Variants in KALRN observed in about 807,000 individuals in gnomAD.
KALRN encodes the protein kalirin.
Under a neutral mutation model 353.7 loss-of-function variants are expected in KALRN, and 70 were observed. The ratio of observed to expected loss-of-function variants is 0.20; its 90% CI spans 0.16 to 0.24. The LOEUF (loss-of-function observed/expected upper bound fraction) is 0.24. Among genes scored for constraint, KALRN ranks in the 10% least tolerant of loss-of-function variants. The pLI is 1.00. For synonymous variants in KALRN, 1,391 were observed against 1,434.8 expected, an observed-to-expected ratio of 0.97 and a Z score of 0.69; for missense variants, 2,791 against 3,756.7, an observed-to-expected ratio of 0.74 and a Z score of 6.72.
chr3:124,208,965 C>CAATAAT (rs757968593), intron 1 of KALRN, among the ~76,000 whole-genome samples: 17 of 150,976 alleles, frequency 1.1e-4, no homozygotes, highest in East Asian at 1.9e-4. Flanking sequence ...GACTCTGTCT[C>CAATAAT]AATAATAATA....
At chr3:124,454,370 G>C (rs945929652) in intron 21 of KALRN, among the ~76,000 whole-genome samples, 1 of 152,148 alleles carries the variant, frequency 6.6e-6, no homozygotes, top group Admixed American at 6.5e-5. Flanking sequence ...TTTTTCATCT[G>C]TGGTTCAAAG....
chr3:124,586,899 T>C (rs1187718021), intron 34 of KALRN, among the ~76,000 whole-genome samples: 4 of 152,102 alleles, frequency 2.6e-5, no homozygotes. Flanking sequence ...GGGGGTCGTG[T>C]CTGAGGTGTT....
intron 1 of KALRN, among the ~76,000 whole-genome samples, chr3:124,100,038 C>T (rs113757250): frequency 1.3e-5 from 2 of 152,244 alleles, no homozygotes; most frequent in African/African-American, 4.8e-5. Flanking sequence ...GCAGTGCGCA[C>T]CTGTAATCCC....
rs189745979 is a variant in KALRN, at chr3:124,395,147, A to C, written c.1975A>C (p.Met659Leu). 6.2e-7 allele frequency: 1 copy of C among 1,612,754 alleles called. No homozygotes were observed. Among genetic ancestry groups the C allele is most frequent in the East Asian group, 2.2e-5 (1 of 44,848 alleles). ...HTHTKELWTW[M>L]EDLQKEMLED... ...TCTCTCTCTACAGTTGTGGACATGG[A>C]TGGAAGACCTTCAGAAGGAGATGTT... The change falls in exon 12 of 60, where the codon ATG becomes CTG. Residue 659 changes from methionine to leucine, a missense_variant. Coordinates refer to ENST00000682506, the MANE Select transcript of KALRN (RefSeq NM_001388419.1).
At chr3:124,640,255 G>A (rs1435893258) in intron 37 of KALRN, among the ~76,000 whole-genome samples, 2 of 150,956 alleles carry the variant, frequency 1.3e-5, no homozygotes, top group Admixed American at 1.3e-4. Flanking sequence ...ATCATGAGCT[G>A]TGTGTGACTA....
chr3:124,698,370 G>C (rs9824248), intron 55 of KALRN, among the ~76,000 whole-genome samples: 8,545 of 152,318 alleles, frequency 0.056, 397 homozygotes, highest in African/African-American at 0.12. Context: ...GTTGTTCCTT[G>C]TTGTGTCTTC....
At chr3:124,410,367 T>C (rs1245465382) in intron 13 of KALRN, 11 of 457,712 alleles carry the variant, frequency 2.4e-5, no homozygotes, top group East Asian at 1.3e-4. Context: ...GTCTTAGTTT[T>C]ATTCTAATTC....
chr3:124,590,156 A>G (rs1464655264), intron 34 of KALRN, among the ~76,000 whole-genome samples: 1 of 152,146 alleles, frequency 6.6e-6, no homozygotes, highest in South Asian at 2.1e-4. Context: ...TATCTAATCT[A>G]CTGAATGGTG....
In KALRN at chr3:124,720,901, G is replaced by A. The variant is rs1166155026; in HGVS notation, c.*1431G>A. 2.6e-5 allele frequency: 4 copies of A among 152,166 alleles called. No homozygotes were observed. Among genetic ancestry groups the A allele is most frequent in the African/African-American group, 9.7e-5 (4 of 41,428 alleles). The allele number at this position is 152,166 out of a possible 1,614,324, so 9.4% of individuals were successfully genotyped here. On this transcript the variant is annotated 3_prime_UTR_variant, in exon 60 of 60. Transcript: ENST00000682506. ...TACATGATCCACCCTTAGTTTTCTA[G>A]AATGTGTGTTGAAAATTGCGATTAT...
Position 124,661,007 on chromosome 3 carries a change from A to T in KALRN, c.6267+34A>T, listed in dbSNP as rs771033386. 8.7e-6 allele frequency: 13 copies of T among 1,489,722 alleles called. No individual in the cohort carries two copies. The South Asian group carries it at 1.5e-4, about 17-fold the overall frequency. The allele number at this position is 1,489,722 out of a possible 1,614,324, so 92.3% of individuals were successfully genotyped here. A position where few individuals can be genotyped will look rare whatever the true frequency, so the allele number is the denominator to read the frequency against. On this transcript the variant is annotated intron_variant, in intron 44 of 59. Transcript: ENST00000682506. ...TCTGCTTGTAATGCTTGCTGTTCTT[A>T]GGGACCATATTGGATATCTTTCTCT...
At chr3:124,386,890 A>C (rs954627525) in intron 11 of KALRN, among the ~76,000 whole-genome samples, 1 of 152,174 alleles carries the variant, frequency 6.6e-6, no homozygotes, top group Non-Finnish European at 1.5e-5. Context: ...TAATCTTATG[A>C]TATAGATTTT....
Position 124,438,995 on chromosome 3 carries a change from C to T in KALRN, c.3156C>T (p.Pro1052=). ...CAGCAGAGATCGACCATGTCATTCC[C>T]CTCATCAGCAAACATTTGGAACAAA... ...GPAAEIDHVI[P]LISKHLEQKE... is the part of the protein sequence containing the mutation. The change falls in exon 18 of 60, where the codon CCC becomes CCT. Residue 1052 remains proline, a synonymous_variant. Transcript: ENST00000682506. 1 of 1,614,096 alleles carries T rather than the reference C, an allele frequency of 6.2e-7. No homozygotes were observed. The highest frequency in any genetic ancestry group is 8.5e-7 in the Non-Finnish European group (1 of 1,180,020).
At chr3:124,682,716 GCGCATC>G (rs1436636334) in intron 51 of KALRN, among the ~76,000 whole-genome samples, 1 of 152,168 alleles carries the variant, frequency 6.6e-6, no homozygotes, top group East Asian at 1.9e-4. Flanking sequence ...AGATATACAG[GCGCATC>G]CTTGAAGGTT....
chr3:124,615,280 G>A (rs1326436773), intron 34 of KALRN, among the ~76,000 whole-genome samples: 1 of 152,072 alleles, frequency 6.6e-6, no homozygotes, highest in Non-Finnish European at 1.5e-5. Context: ...AACCAAATGA[G>A]GGACATTCTA....
chr3:124,118,984 G>A lies in KALRN; in HGVS notation c.73+85171G>A, dbSNP rs1457367925. On this transcript the variant is annotated intron_variant, in intron 1 of 59. Transcript: ENST00000682506. ...ACTCAGAGCTCTTTGTTCCAATTCC[G>A]GTCTCCTTTTCATCATACTGTAATG... is the stretch of plus-strand genomic sequence containing the variant. Among the ~76,000 whole-genome samples the A allele has an allele frequency of 2.6e-5, 4 of 152,100 alleles. 1 individual carries two copies. The highest frequency in any genetic ancestry group is 1.9e-4 in the East Asian group (1 of 5,190).
rs553261533 is a variant in KALRN, at chr3:124,626,791, G to T, written c.5183-5629G>T. Among the ~76,000 whole-genome samples the T allele has an allele frequency of 2.6e-5, 4 of 152,324 alleles. No individual in the cohort carries two copies. In the South Asian group the frequency reaches 8.3e-4, roughly 32 times the overall value. ...TGCTCCCTTCTATAATAATGGTAAA[G>T]ATGAAAGGAACACATGGAATGAACT... On this transcript the variant is annotated intron_variant, in intron 34 of 59. Coordinates refer to ENST00000682506, the MANE Select transcript of KALRN (RefSeq NM_001388419.1).
intron 3 of KALRN, among the ~76,000 whole-genome samples, chr3:124,257,790 C>G (rs566117324): frequency 6.6e-6 from 1 of 152,200 alleles, no homozygotes; most frequent in Non-Finnish European, 1.5e-5. Flanking sequence ...GGGTCACCCA[C>G]TGTTCTTTCC....
At chr3:124,661,723 A>G (rs748816110) in intron 44 of KALRN, 128 bp from the exon 45 acceptor site, 25 of 759,102 alleles carry the variant, frequency 3.3e-5, no homozygotes, top group Non-Finnish European at 5.4e-5. Flanking sequence ...GACAGCCAGA[A>G]CCAGCATCCC....
At chr3:124,494,444 T>C (rs1315090370) in intron 32 of KALRN, among the ~76,000 whole-genome samples, 1 of 152,188 alleles carries the variant, frequency 6.6e-6, no homozygotes, top group Non-Finnish European at 1.5e-5. Context: ...CAGCCAGCTC[T>C]CAACTGTCTA....
Sources: allele counts gnomAD v4.1 joint callset (sites outside exome capture counted in the v4.1 genomes callset), GRCh38; gene constraint gnomAD v4.1.1; transcripts MANE v1.5; gene names NCBI Gene and HGNC (gene_info 2026-07-23, HGNC 2026-07-21).